The following KHDRBS3 variants were observed in gnomAD, a reference collection of about 807,000 sequenced individuals.
KHDRBS3 encodes the protein KH domain-containing, RNA-binding, signal transduction-associated protein 3.
KHDRBS3 carries 23 observed loss-of-function variants against 45.6 expected under a neutral mutation model. That is an observed-to-expected ratio of 0.50 (90% CI 0.36 to 0.72). The LOEUF (loss-of-function observed/expected upper bound fraction) is 0.72. Among genes scored for constraint, KHDRBS3 ranks in the 30% least tolerant of loss-of-function variants. KHDRBS3 has a pLI of 0.00. For missense variants in KHDRBS3, 352 were observed against 424.8 expected (o/e 0.83, Z 1.51); for synonymous variants, 162 against 156.5 (o/e 1.04, Z -0.26).
At chr8:135,528,850 C>G (rs1487533866) in intron 2 of KHDRBS3, among the ~76,000 whole-genome samples, 1 of 152,106 alleles carries the variant, frequency 6.6e-6, no homozygotes, top group East Asian at 1.9e-4. Flanking sequence ...AGGCTTGAAT[C>G]CATTCATAGG....
At chr8:135,564,499 A>G (rs1363584198) in intron 5 of KHDRBS3, among the ~76,000 whole-genome samples, 1 of 152,224 alleles carries the variant, frequency 6.6e-6, no homozygotes, top group South Asian at 2.1e-4. Context: ...TTAATTACCA[A>G]ATTTGTTCCT....
At chr8:135,489,668 G>A (rs142058711) in intron 1 of KHDRBS3, among the ~76,000 whole-genome samples, 3 of 152,102 alleles carry the variant, frequency 2.0e-5, no homozygotes, top group African/African-American at 7.2e-5. Context: ...GCGACAGAGC[G>A]AGACTCCATC....
In KHDRBS3 at chr8:135,547,477, C is replaced by G. The variant is rs1563759283; in HGVS notation, c.325-1277C>G. 2.0e-5 allele frequency among the ~76,000 whole-genome samples: 3 copies of G among 152,150 alleles called. No homozygotes were observed. The South Asian group carries it at 6.2e-4, about 31-fold the overall frequency. On this transcript the variant is annotated intron_variant, in intron 3 of 8. Transcript: ENST00000355849. ...AAGTATTGGATTACATACAGTCTGT[C>G]TAAACTCACATGGCTAGTGACTGGC...
intron 7 of KHDRBS3, among the ~76,000 whole-genome samples, chr8:135,626,271 T>C (rs531176616): frequency 2.0e-5 from 3 of 152,376 alleles, no homozygotes; most frequent in Admixed American, 6.5e-5. Context: ...TCCTAAAGTC[T>C]AATTTCTGAT....
intron 1 of KHDRBS3, among the ~76,000 whole-genome samples, chr8:135,494,552 A>G (rs1259432887): frequency 6.6e-6 from 1 of 151,992 alleles, no homozygotes; most frequent in Non-Finnish European, 1.5e-5. Context: ...TGCTGGGATT[A>G]CAGGCTTGAG....
intron 6 of KHDRBS3, among the ~76,000 whole-genome samples, chr8:135,588,791 A>G (rs762645864): frequency 3.2e-4 from 48 of 152,218 alleles, no homozygotes; most frequent in Non-Finnish European, 5.7e-4. Flanking sequence ...CATAGTATCA[A>G]AACTACCAAA....
At chr8:135,590,875 C>G (rs1488247966) in intron 6 of KHDRBS3, among the ~76,000 whole-genome samples, 1 of 152,186 alleles carries the variant, frequency 6.6e-6, no homozygotes, top group East Asian at 1.9e-4. Flanking sequence ...ACTAATATCT[C>G]TTGATATCTC....
At chr8:135,614,533 T>G (rs1036634752) in intron 7 of KHDRBS3, among the ~76,000 whole-genome samples, 13 of 151,722 alleles carry the variant, frequency 8.6e-5, no homozygotes, top group African/African-American at 3.2e-4. Context: ...GATCATAAAC[T>G]AAATAGAACA....
At chr8:135,512,293 C>G (rs888179177) in intron 1 of KHDRBS3, among the ~76,000 whole-genome samples, 1 of 151,980 alleles carries the variant, frequency 6.6e-6, no homozygotes, top group African/African-American at 2.4e-5. Flanking sequence ...AATACTCCAG[C>G]TGGACTGTTG....
At position 135,588,834 on chromosome 8, in the gene KHDRBS3, C is replaced by T. The variant is rs78203881; in HGVS notation, c.807+6761C>T. Among the ~76,000 whole-genome samples, 176 of 152,254 alleles carry T rather than the reference C, an allele frequency of 1.2e-3. 1 individual carries two copies. The highest frequency in any genetic ancestry group is 3.5e-3 in the African/African-American group (145 of 41,530). Reference sequence around the variant, plus strand: ...TTCTAACTCTGGTGTCATCTGTTCACGGTCCCCTCTCCCTGAATGCCCTAT... The same window carrying T: ...TTCTAACTCTGGTGTCATCTGTTCATGGTCCCCTCTCCCTGAATGCCCTAT... On this transcript the variant is annotated intron_variant, in intron 6 of 8. Transcript: ENST00000355849.
intron 2 of KHDRBS3, chr8:135,539,796 G>T (rs1300636049): frequency 6.6e-6 from 1 of 152,154 alleles, no homozygotes; most frequent in Non-Finnish European, 1.5e-5. Flanking sequence ...AAATAAAAGT[G>T]TTTCTGGTTG....
At chr8:135,523,961 C>T (rs1358309135) in intron 2 of KHDRBS3, among the ~76,000 whole-genome samples, 1 of 151,998 alleles carries the variant, frequency 6.6e-6, no homozygotes, top group East Asian at 1.9e-4. Context: ...GATATATTAT[C>T]TGTTTTATAT....
intron 7 of KHDRBS3, among the ~76,000 whole-genome samples, chr8:135,638,318 C>A (rs1048152986): frequency 6.6e-6 from 1 of 152,148 alleles, no homozygotes; most frequent in African/African-American, 2.4e-5. Context: ...CTCTGGAGGA[C>A]CCAGGAGCCC....
intron 2 of KHDRBS3, among the ~76,000 whole-genome samples, chr8:135,534,788 C>G (rs1356851361): frequency 6.6e-6 from 1 of 152,116 alleles, no homozygotes; most frequent in Non-Finnish European, 1.5e-5. Context: ...GCAGAATTGA[C>G]ACAATGCCAG....
intron 7 of KHDRBS3, among the ~76,000 whole-genome samples, chr8:135,619,692 A>G (rs1830060264): frequency 6.6e-6 from 1 of 152,250 alleles, no homozygotes; most frequent in African/African-American, 2.4e-5. Flanking sequence ...TTCTTTATCT[A>G]AAACTGTCGA....
chr8:135,574,638 G>A (rs1827868863), intron 5 of KHDRBS3, among the ~76,000 whole-genome samples: 1 of 152,126 alleles, frequency 6.6e-6, no homozygotes, highest in Non-Finnish European at 1.5e-5. Context: ...AGGAAAACAG[G>A]AAGCATTAAT....
intron 3 of KHDRBS3, among the ~76,000 whole-genome samples, chr8:135,545,974 C>A (rs764161318): frequency 3.3e-5 from 5 of 152,022 alleles, no homozygotes; most frequent in Non-Finnish European, 7.4e-5. Context: ...CCCATCTATA[C>A]TAAAAATATA....
intron 5 of KHDRBS3, among the ~76,000 whole-genome samples, chr8:135,576,078 A>G (rs1827933561): frequency 6.6e-6 from 1 of 152,114 alleles, no homozygotes; most frequent in Non-Finnish European, 1.5e-5. Flanking sequence ...ATTTGTTTTC[A>G]TCATTAACCT....
At chr8:135,564,108 T>C (rs1827290728) in intron 5 of KHDRBS3, among the ~76,000 whole-genome samples, 1 of 152,222 alleles carries the variant, frequency 6.6e-6, no homozygotes, top group Non-Finnish European at 1.5e-5. Flanking sequence ...ATATTTTACT[T>C]GCCCCTTTCC....
Sources: gnomAD v4.1 joint callset for allele counts (sites outside exome capture counted in the v4.1 genomes callset) on GRCh38, gnomAD v4.1.1 for gene constraint, MANE v1.5 for transcripts, NCBI Gene and HGNC (gene_info 2026-07-23, HGNC 2026-07-21) for gene names.